The following SUCLG2 variants were observed in gnomAD, a reference collection of about 807,000 sequenced individuals.
The protein encoded by SUCLG2 is succinate--CoA ligase [GDP-forming] subunit beta, mitochondrial.
Under a neutral mutation model 47.9 loss-of-function variants are expected in SUCLG2, and 42 were observed. The ratio of observed to expected loss-of-function variants is 0.88; its 90% CI spans 0.69 to 1.14. SUCLG2 has a LOEUF of 1.14. Ranked by LOEUF, SUCLG2 falls within the 50% of genes most tolerant of loss-of-function variation. The probability of loss-of-function intolerance (pLI) is 0.00; values close to 1 mark genes in which losing one functional copy is unlikely to be tolerated. For missense variants in SUCLG2, 571 were observed against 525.9 expected, an observed-to-expected ratio of 1.09 and a Z score of -0.84; for synonymous variants, 195 against 197.3, an observed-to-expected ratio of 0.99 and a Z score of 0.10.
chr3:67,628,619 G>T (rs1700875419), intron 1 of SUCLG2, among the ~76,000 whole-genome samples: 1 of 152,114 alleles, frequency 6.6e-6, no homozygotes, highest in Non-Finnish European at 1.5e-5. Context: ...ATGGGGGTGG[G>T]TTTTTCCCAT....
chr3:67,607,047 G>A (rs1440408549), intron 2 of SUCLG2, among the ~76,000 whole-genome samples: 1 of 152,212 alleles, frequency 6.6e-6, no homozygotes, highest in African/African-American at 2.4e-5. Context: ...AATATGGAGA[G>A]TGCTTCTATC....
intron 9 of SUCLG2, among the ~76,000 whole-genome samples, chr3:67,430,596 A>G (rs1297872514): frequency 1.3e-5 from 2 of 152,192 alleles, no homozygotes; most frequent in South Asian, 2.1e-4. Context: ...AGAAATAACT[A>G]AGATCAGAGC....
At chr3:67,503,935 G>T (rs1005467627) in intron 7 of SUCLG2, among the ~76,000 whole-genome samples, 5 of 152,110 alleles carry the variant, frequency 3.3e-5, no homozygotes, top group African/African-American at 1.2e-4. Flanking sequence ...TTTAACAGAA[G>T]AATGTGTCAC....
chr3:67,564,514 C>T (rs1707400480), intron 2 of SUCLG2, among the ~76,000 whole-genome samples: 1 of 152,226 alleles, frequency 6.6e-6, no homozygotes, highest in African/African-American at 2.4e-5. Flanking sequence ...ACATGAGTTA[C>T]TAAATAAAAT....
At chr3:67,643,176 T>G (rs1020131278) in intron 1 of SUCLG2, among the ~76,000 whole-genome samples, 1 of 152,234 alleles carries the variant, frequency 6.6e-6, no homozygotes, top group Non-Finnish European at 1.5e-5. Flanking sequence ...TGTGTTTGTT[T>G]CTGAACTTTG....
chr3:67,520,647 T>C lies in SUCLG2; in HGVS notation c.418-13A>G, dbSNP rs778908612. 2 of 1,595,386 alleles carry C rather than the reference T, an allele frequency of 1.3e-6. No homozygotes were observed. Among genetic ancestry groups the C allele is most frequent in the Non-Finnish European group, 1.7e-6 (2 of 1,173,796 alleles). On this transcript the variant is annotated splice_polypyrimidine_tract_variant and intron_variant, in intron 4 of 10. Coordinates refer to ENST00000307227, the MANE Select transcript of SUCLG2 (RefSeq NM_003848.4). ...CAGCAACCATCACCTACCACATTAG[T>C]GGGAAAGTCAAATTAATTCAGCATT...
At chr3:67,630,258 A>G (rs1453987519) in intron 1 of SUCLG2, among the ~76,000 whole-genome samples, 1 of 152,192 alleles carries the variant, frequency 6.6e-6, no homozygotes, top group African/African-American at 2.4e-5. Flanking sequence ...AATATTACCT[A>G]TAAGAAATGT....
At chr3:67,565,453 C>T (rs77552475) in intron 2 of SUCLG2, among the ~76,000 whole-genome samples, 163 of 152,272 alleles carry the variant, frequency 1.1e-3, no homozygotes, top group African/African-American at 3.7e-3. Context: ...TATTAAAATA[C>T]AAATATGCCA....
chr3:67,536,889 TA>T (rs1259557161), intron 2 of SUCLG2, among the ~76,000 whole-genome samples: 3 of 151,926 alleles, frequency 2.0e-5, no homozygotes, highest in Non-Finnish European at 4.4e-5. Flanking sequence ...ACAAGAGAAC[TA>T]AAGATTTTCA....
intron 2 of SUCLG2, among the ~76,000 whole-genome samples, chr3:67,604,204 C>T (rs1457273959): frequency 6.6e-6 from 1 of 152,180 alleles, no homozygotes; most frequent in Non-Finnish European, 1.5e-5. Flanking sequence ...AATTAACAAG[C>T]TTTCCATAAC....
At chr3:67,410,516 G>T (rs1041685648) in intron 9 of SUCLG2, among the ~76,000 whole-genome samples, 1 of 152,196 alleles carries the variant, frequency 6.6e-6, no homozygotes, top group Admixed American at 6.6e-5. Context: ...TACAGCCATA[G>T]TTCCCGTATC....
chr3:67,383,305 T>C (rs1292091717), intron 10 of SUCLG2, among the ~76,000 whole-genome samples: 1 of 152,248 alleles, frequency 6.6e-6, no homozygotes, highest in Non-Finnish European at 1.5e-5. Flanking sequence ...TATTCCATTT[T>C]GCAGAGGAAG....
intron 9 of SUCLG2, among the ~76,000 whole-genome samples, chr3:67,447,579 A>G (rs1206087084): frequency 6.6e-6 from 1 of 152,232 alleles, no homozygotes; most frequent in Admixed American, 6.5e-5. Flanking sequence ...AACAGGAACA[A>G]GATACTTCAG....
At position 67,498,401 on chromosome 3, in the gene SUCLG2, T is replaced by A. The variant is rs1705407393; in HGVS notation, c.758-106A>T. 5.0e-6 allele frequency: 6 copies of A among 1,207,948 alleles called. No homozygotes were observed. The South Asian group carries it at 7.8e-5, about 16-fold the overall frequency. The allele number at this position is 1,207,948 out of a possible 1,614,324, so 74.8% of individuals were successfully genotyped here. A position where few individuals can be genotyped will look rare whatever the true frequency, so the allele number is the denominator to read the frequency against. On this transcript the variant is annotated intron_variant, in intron 7 of 10. Transcript: ENST00000307227. ...CGAAGGGAAAGTTAAGTACTGTCAT[T>A]TTTTTTCACATGTTACAGGCAGGAG...
intron 9 of SUCLG2, among the ~76,000 whole-genome samples, chr3:67,424,599 T>A (rs1478387487): frequency 6.6e-6 from 1 of 152,178 alleles, no homozygotes; most frequent in Admixed American, 6.5e-5. Context: ...CTTCTATGCC[T>A]CCTTTTCTTG....
intron 2 of SUCLG2, among the ~76,000 whole-genome samples, chr3:67,559,346 C>T (rs773242802): frequency 2.6e-5 from 4 of 152,190 alleles, no homozygotes; most frequent in Non-Finnish European, 5.9e-5. Flanking sequence ...AACTGACTCA[C>T]TGTTCCGCAT....
At chr3:67,648,529 T>C (rs1701232058) in intron 1 of SUCLG2, among the ~76,000 whole-genome samples, 1 of 152,180 alleles carries the variant, frequency 6.6e-6, no homozygotes, top group Non-Finnish European at 1.5e-5. Flanking sequence ...GGCGGGTGAC[T>C]CCCTGGCACT....
At chr3:67,503,171 C>A (rs1395678986) in intron 7 of SUCLG2, among the ~76,000 whole-genome samples, 1 of 152,100 alleles carries the variant, frequency 6.6e-6, no homozygotes, top group East Asian at 1.9e-4. Context: ...ACTAACTGGT[C>A]CTTGACAGAA....
intron 2 of SUCLG2, among the ~76,000 whole-genome samples, chr3:67,571,320 T>A (rs1447017407): frequency 6.6e-6 from 1 of 152,146 alleles, no homozygotes; most frequent in Non-Finnish European, 1.5e-5. Context: ...AGGACAGCCC[T>A]CACAGCAAAG....
Sources: allele counts gnomAD v4.1 joint callset (sites outside exome capture counted in the v4.1 genomes callset), GRCh38; gene constraint gnomAD v4.1.1; transcripts MANE v1.5; gene names NCBI Gene and HGNC (gene_info 2026-07-23, HGNC 2026-07-21).